The following HNRNPA0 variants were observed in gnomAD, a reference collection of about 807,000 sequenced individuals.
HNRNPA0 encodes hnRNA binding protein.
For synonymous variants in HNRNPA0, 243 were observed against 195.5 expected (o/e 1.24, Z -2.03); for missense variants, 252 against 433.7 (o/e 0.58, Z 3.72).
At position 137,752,936 on chromosome 5, in the gene HNRNPA0, G is replaced by C; in HGVS notation, c.*213C>G. 1.9e-6 allele frequency: 1 copy of C among 519,712 alleles called. No homozygotes were observed. The highest frequency in any genetic ancestry group is 3.6e-5 in the South Asian group (1 of 28,000). 32.2% of individuals were successfully genotyped at this position (519,712 alleles called of 1,614,324 possible). ...ATGACTGTAACACAAAAATGTGTAT[G>C]TGGGGCCGAGTCCATCTTCAGAGGG... On this transcript the variant is annotated 3_prime_UTR_variant, in exon 1 of 1. Coordinates refer to ENST00000314940, the MANE Select transcript of HNRNPA0 (RefSeq NM_006805.4).
Position 137,753,728 on chromosome 5 carries a change from G to A in HNRNPA0, c.339C>T (p.Asp113=), listed in dbSNP as rs1280334185. 1 of 1,613,072 alleles carries A rather than the reference G, an allele frequency of 6.2e-7. No individual in the cohort carries two copies. The highest frequency in any genetic ancestry group is 1.1e-5 in the South Asian group (1 of 91,088). The part of the protein sequence containing the change: ...GGLKGDVAEG[D]LIEHFSQFGT... ...CAAACTGCGAGAAGTGCTCGATCAG[G>A]TCGCCCTCAGCCACGTCTCCTTTAA... The change falls in exon 1 of 1, where the codon GAC becomes GAT. Residue 113 remains aspartate (D), a synonymous_variant. Coordinates refer to ENST00000314940, the MANE Select transcript of HNRNPA0 (RefSeq NM_006805.4). The surrounding 1 kb of genome is among the most constrained non-coding windows in gnomAD (Gnocchi z 6.1).
At position 137,748,515 on chromosome 5, in the gene HNRNPA0, T is replaced by C. The variant is rs1044072895; in HGVS notation, c.*4634A>G. 7.2e-5 allele frequency: 11 copies of C among 152,300 alleles called. No individual in the cohort carries two copies. Among genetic ancestry groups the C allele is most frequent in the East Asian group, 3.9e-4 (2 of 5,188 alleles). The allele number at this position is 152,300 out of a possible 1,614,324, so 9.4% of individuals were successfully genotyped here. A position where few individuals can be genotyped will look rare whatever the true frequency, so the allele number is the denominator to read the frequency against. On this transcript the variant is annotated 3_prime_UTR_variant, in exon 1 of 1. Transcript: ENST00000314940. ...TCCCACCTCTTCATTAGGGGCCATATAGTAAAATTACTGTGTACCAGAGAC... is the reference window on the plus strand; with the variant it reads ...TCCCACCTCTTCATTAGGGGCCATACAGTAAAATTACTGTGTACCAGAGAC...
At position 137,746,973 on chromosome 5, in the gene HNRNPA0, A is replaced by C. The variant is rs893689986; in HGVS notation, c.*6176T>G. 14 of 152,312 alleles carry C rather than the reference A, an allele frequency of 9.2e-5. No individual in the cohort carries two copies. The highest frequency in any genetic ancestry group is 3.1e-4 in the African/African-American group (13 of 41,556). The allele number at this position is 152,312 out of a possible 1,614,324, so 9.4% of individuals were successfully genotyped here. ...AAGTTTTTTTTTTTAATTTCACTGA[A>C]GAGATGACCACAGTATATTCAGTTA... is the stretch of plus-strand genomic sequence containing the variant. On this transcript the variant is annotated 3_prime_UTR_variant, in exon 1 of 1. Coordinates refer to ENST00000314940, the MANE Select transcript of HNRNPA0 (RefSeq NM_006805.4).
Position 137,749,275 on chromosome 5 carries a change from T to C in HNRNPA0, c.*3874A>G, listed in dbSNP as rs1219838349. The C allele has an allele frequency of 2.0e-5, 3 of 152,172 alleles. No homozygotes were observed. The highest frequency in any genetic ancestry group is 7.2e-5 in the African/African-American group (3 of 41,458). The allele number at this position is 152,172 out of a possible 1,614,324, so 9.4% of individuals were successfully genotyped here. A position where few individuals can be genotyped will look rare whatever the true frequency, so the allele number is the denominator to read the frequency against. ...AAGAGACAAAGAAAGCCTGCCTGAA[T>C]AGAGAAGGAAACAGTTAAGAATAAC... On this transcript the variant is annotated 3_prime_UTR_variant, in exon 1 of 1. Coordinates refer to ENST00000314940, the MANE Select transcript of HNRNPA0 (RefSeq NM_006805.4).
At position 137,753,492 on chromosome 5, in the gene HNRNPA0, C is replaced by A; in HGVS notation, c.575G>T (p.Arg192Leu). Residue 192 changes from arginine (R) to leucine (L), a missense_variant, in exon 1 of 1, where the codon CGG (arginine) becomes CTG (leucine). Transcript: ENST00000314940. The surrounding 1 kb of genome is among the most constrained non-coding windows in gnomAD (Gnocchi z 6.1). ...GCGCCCCCGGCCGCCTCGGCCGCCC[C>A]GGGAGGATCGGGAGCCGCCTCCACC... The part of the protein sequence containing the change: ...GGGGGGSRSS[R>L]GGRGGRGRGG... 1.3e-6 allele frequency: 2 copies of A among 1,589,268 alleles called. No homozygotes were observed. Among genetic ancestry groups the A allele is most frequent in the Non-Finnish European group, 1.7e-6 (2 of 1,167,556 alleles).
rs747158331 is a variant in HNRNPA0 at position 137,753,298 on chromosome 5, T to TGCCGAAGCC, written c.760_768dup (p.Gly254_Gly256dup). The TGCCGAAGCC allele has an allele frequency of 1.1e-5, 18 of 1,575,076 alleles. 1 individual carries two copies. The East Asian group carries it at 1.2e-4, about 10-fold the overall frequency. On this transcript the variant is annotated inframe_insertion, in exon 1 of 1. Coordinates refer to ENST00000314940, the MANE Select transcript of HNRNPA0 (RefSeq NM_006805.4). The surrounding 1 kb of genome is among the most constrained non-coding windows in gnomAD (Gnocchi z 6.1). The stretch of plus-strand genomic sequence containing the variant: ...TAGGAGGACTGATGCTGGCTGTAGC[T>TGCCGAAGCC]GCCGAAGCCGCCGAAGCCGTTACCG...
In HNRNPA0 at chr5:137,754,088, C is replaced by G; in HGVS notation, c.-22G>C. 1 of 1,589,736 alleles carries G rather than the reference C, an allele frequency of 6.3e-7. No individual in the cohort carries two copies. On this transcript the variant is annotated 5_prime_UTR_variant, in exon 1 of 1. Coordinates refer to ENST00000314940, the MANE Select transcript of HNRNPA0 (RefSeq NM_006805.4). ...CCATCTCCAAGGCCCGGGCCTTGCCCCCGCCCTGCGAGCTCCGAGGTTTCG... is the reference window on the plus strand; with the variant it reads ...CCATCTCCAAGGCCCGGGCCTTGCCGCCGCCCTGCGAGCTCCGAGGTTTCG...
At position 137,753,686 on chromosome 5, in the gene HNRNPA0, G is replaced by C. The variant is rs1327164903; in HGVS notation, c.381C>G (p.Ala127=). 12 of 1,613,794 alleles carry C rather than the reference G, an allele frequency of 7.4e-6. No individual in the cohort carries two copies. Among genetic ancestry groups the C allele is most frequent in the African/African-American group, 1.3e-5 (1 of 74,930 alleles). Residue 127 remains alanine (A), a synonymous_variant, in exon 1 of 1, where the codon GCC becomes GCG. Transcript: ENST00000314940. This position sits in a 1 kb window ranked among gnomAD's most constrained non-coding sequence, Gnocchi z 6.1. The part of the protein sequence containing the change: ...HFSQFGTVEK[A]EIIADKQSGK... ...CGGACTGCTTGTCGGCAATAATCTC[G>C]GCCTTTTCCACGGTGCCAAACTGCG...
rs201588081 is a variant in HNRNPA0, at chr5:137,754,098, G to A, written c.-32C>T. ...GGCCCGGGCCTTGCCCCCGCCCTGCGAGCTCCGAGGTTTCGCCGTCGCCGC... is the reference window on the plus strand; with the variant it reads ...GGCCCGGGCCTTGCCCCCGCCCTGCAAGCTCCGAGGTTTCGCCGTCGCCGC... On this transcript the variant is annotated 5_prime_UTR_variant, in exon 1 of 1. Transcript: ENST00000314940. The A allele has an allele frequency of 7.8e-5, 122 of 1,573,546 alleles. No homozygotes were observed. In the East Asian group the frequency reaches 2.7e-3, roughly 35 times the overall value.
chr5:137,753,614 C>T lies in HNRNPA0; in HGVS notation c.453G>A (p.Ala151=). 6.2e-7 allele frequency: 1 copy of T among 1,614,168 alleles called. No individual in the cohort carries two copies. Among genetic ancestry groups the T allele is most frequent in the Non-Finnish European group, 8.5e-7 (1 of 1,180,032 alleles). ...FGFVYFQNHD[A]ADKAAVVKFH... ...ACTTGACCACCGCGGCCTTGTCTGC[C>T]GCGTCGTGATTCTGGAAATACACGA... Residue 151 remains alanine (A), a synonymous_variant, in exon 1 of 1, where the codon GCG becomes GCA. Transcript: ENST00000314940. This position sits in a 1 kb window ranked among gnomAD's most constrained non-coding sequence, Gnocchi z 6.1.
Position 137,753,512 on chromosome 5 carries a change from T to C in HNRNPA0, c.555A>G (p.Gly185=), listed in dbSNP as rs1302300558. The part of the protein sequence containing the change: ...PKEDIYSGGG[G]GGSRSSRGGR... The stretch of plus-strand genomic sequence containing the variant: ...CGCCCCGGGAGGATCGGGAGCCGCC[T>C]CCACCCCCACCGGAGTAGATATCCT... Residue 185 remains glycine (G), a synonymous_variant, in exon 1 of 1, where the codon GGA becomes GGG. Coordinates refer to ENST00000314940, the MANE Select transcript of HNRNPA0 (RefSeq NM_006805.4). The surrounding 1 kb of genome is among the most constrained non-coding windows in gnomAD (Gnocchi z 6.1). The C allele has an allele frequency of 6.2e-7, 1 of 1,603,958 alleles. No individual in the cohort carries two copies. Among genetic ancestry groups the C allele is most frequent in the South Asian group, 1.1e-5 (1 of 90,054 alleles).
Position 137,749,719 on chromosome 5 carries a change from T to A in HNRNPA0, c.*3430A>T, listed in dbSNP as rs1753465641. On this transcript the variant is annotated 3_prime_UTR_variant, in exon 1 of 1. Coordinates refer to ENST00000314940, the MANE Select transcript of HNRNPA0 (RefSeq NM_006805.4). ...AAAATCCGTGTAGTCTAGATGCAGTTCTGCTCCAAATCCAACATCCAAATG... is the reference window on the plus strand; with the variant it reads ...AAAATCCGTGTAGTCTAGATGCAGTACTGCTCCAAATCCAACATCCAAATG... 1 of 152,138 alleles carries A rather than the reference T, an allele frequency of 6.6e-6. No homozygotes were observed. 9.4% of individuals were successfully genotyped at this position (152,138 alleles called of 1,614,324 possible). A position where few individuals can be genotyped will look rare whatever the true frequency, so the allele number is the denominator to read the frequency against.
In HNRNPA0 at chr5:137,753,155, G is replaced by A. The variant is rs760395365; in HGVS notation, c.912C>T (p.Ser304=). Residue 304 remains serine (S), a synonymous_variant, in exon 1 of 1, where the codon TCC becomes TCT. Coordinates refer to ENST00000314940, the MANE Select transcript of HNRNPA0 (RefSeq NM_006805.4). This position sits in a 1 kb window ranked among gnomAD's most constrained non-coding sequence, Gnocchi z 6.1. ...YGGGGGYGGS[S]F is the part of the protein sequence containing the mutation. ...AGGCATTTTAAATTTTCTTTTAGAA[G>A]GAGCTGCCTCCATAGCCACCCCCAC... 3 of 1,611,802 alleles carry A rather than the reference G, an allele frequency of 1.9e-6. No individual in the cohort carries two copies. The African/African-American group carries it at 4.0e-5, about 22-fold the overall frequency.
rs1283770385 is a variant in HNRNPA0, at chr5:137,746,326, T to C, written c.*6823A>G. On this transcript the variant is annotated 3_prime_UTR_variant, in exon 1 of 1. Coordinates refer to ENST00000314940, the MANE Select transcript of HNRNPA0 (RefSeq NM_006805.4). ...GGAACTCCTCTGCTCAAAACTGAAA[T>C]GGTTCACCATTCATTTAGTGAAAAC... is the stretch of plus-strand genomic sequence containing the variant. The C allele has an allele frequency of 6.6e-6, 1 of 152,186 alleles. No homozygotes were observed. The highest frequency in any genetic ancestry group is 1.5e-5 in the Non-Finnish European group (1 of 68,022). The allele number at this position is 152,186 out of a possible 1,614,324, so 9.4% of individuals were successfully genotyped here. A position where few individuals can be genotyped will look rare whatever the true frequency, so the allele number is the denominator to read the frequency against.
rs1324011359 is a variant in HNRNPA0 at position 137,753,526 on chromosome 5, A to C, written c.541T>G (p.Ser181Ala). ...CGGGAGCCGCCTCCACCCCCACCGG[A>C]GTAGATATCCTCCTTGGGGACTGCT... ...KKAVPKEDIY[S>A]GGGGGGSRSS... is the part of the protein sequence containing the mutation. The change falls in exon 1 of 1, where the codon TCC (serine) becomes GCC (alanine). Residue 181 changes from serine to alanine, a missense_variant. Ser to Ala is a moderately conservative substitution (Grantham distance 99). Coordinates refer to ENST00000314940, the MANE Select transcript of HNRNPA0 (RefSeq NM_006805.4). The surrounding 1 kb of genome is among the most constrained non-coding windows in gnomAD (Gnocchi z 6.1). 2 of 1,610,388 alleles carry C rather than the reference A, an allele frequency of 1.2e-6. No individual in the cohort carries two copies. Among genetic ancestry groups the C allele is most frequent in the Non-Finnish European group, 8.5e-7 (1 of 1,178,068 alleles).
rs1753521293 is a variant in HNRNPA0 at position 137,752,609 on chromosome 5, TA to T, written c.*539del. On this transcript the variant is annotated 3_prime_UTR_variant, in exon 1 of 1. Coordinates refer to ENST00000314940, the MANE Select transcript of HNRNPA0 (RefSeq NM_006805.4). Reference sequence around the variant, plus strand: ...GGAATGGATCCTAGAAAAAAAATGTTAGACATGTACGGTCAAACACAATGAT... The same window carrying T: ...GGAATGGATCCTAGAAAAAAAATGTTGACATGTACGGTCAAACACAATGAT... 1 of 152,850 alleles carries T rather than the reference TA, an allele frequency of 6.5e-6. No homozygotes were observed. Among genetic ancestry groups the T allele is most frequent in the Admixed American group, 6.5e-5 (1 of 15,294 alleles). The allele number at this position is 152,850 out of a possible 1,614,324, so 9.5% of individuals were successfully genotyped here.
rs971591495 is a variant in HNRNPA0, at chr5:137,747,771, T to C, written c.*5378A>G. 1.3e-5 allele frequency: 2 copies of C among 152,220 alleles called. No homozygotes were observed. Among genetic ancestry groups the C allele is most frequent in the African/African-American group, 4.8e-5 (2 of 41,460 alleles). The allele number at this position is 152,220 out of a possible 1,614,324, so 9.4% of individuals were successfully genotyped here. ...ATTATTGTTGCTCAAAAACCTTTAA[T>C]GACTTTTACTGCCTACCCTAAGTCC... On this transcript the variant is annotated 3_prime_UTR_variant, in exon 1 of 1. Transcript: ENST00000314940.
chr5:137,747,556 T>A lies in HNRNPA0; in HGVS notation c.*5593A>T, dbSNP rs977367475. On this transcript the variant is annotated 3_prime_UTR_variant, in exon 1 of 1. Coordinates refer to ENST00000314940, the MANE Select transcript of HNRNPA0 (RefSeq NM_006805.4). ...CATTCTTCATATATCCAAATATTTG[T>A]CAATTATGCTTTCACAACTTACCTC... 6.6e-6 allele frequency: 1 copy of A among 152,192 alleles called. No homozygotes were observed. The highest frequency in any genetic ancestry group is 6.5e-5 in the Admixed American group (1 of 15,280). 9.4% of individuals were successfully genotyped at this position (152,192 alleles called of 1,614,324 possible).
Position 137,753,739 on chromosome 5 carries a change from C to A in HNRNPA0, c.328G>T (p.Ala110Ser). The A allele has an allele frequency of 1.2e-6, 2 of 1,612,742 alleles. No individual in the cohort carries two copies. The highest frequency in any genetic ancestry group is 1.7e-6 in the Non-Finnish European group (2 of 1,180,038). Residue 110 changes from alanine (A) to serine (S), a missense_variant, in exon 1 of 1, where the codon GCT becomes TCT. Physicochemically the swap from Ala to Ser is moderately conservative, Grantham distance 99. Transcript: ENST00000314940. The surrounding 1 kb of genome is among the most constrained non-coding windows in gnomAD (Gnocchi z 6.1). ...LFVGGLKGDV[A>S]EGDLIEHFSQ... Reference sequence around the variant, plus strand: ...AAGTGCTCGATCAGGTCGCCCTCAGCCACGTCTCCTTTAAGGCCTCCGACA... The same window carrying A: ...AAGTGCTCGATCAGGTCGCCCTCAGACACGTCTCCTTTAAGGCCTCCGACA...
Sources: allele counts gnomAD v4.1 joint callset, GRCh38; gene constraint gnomAD v4.1.1; non-coding constraint Gnocchi (gnomAD v3.1); transcripts MANE v1.5; gene names NCBI Gene and HGNC (gene_info 2026-07-23, HGNC 2026-07-21).